The following SHISA6 variants were observed in gnomAD, a reference collection of about 807,000 sequenced individuals.
SHISA6 encodes protein shisa-6.
In SHISA6, 22 loss-of-function variants were observed where a neutral mutation model predicts 47.9. The ratio of observed to expected loss-of-function variants is 0.46; its 90% CI spans 0.33 to 0.66. The LOEUF (loss-of-function observed/expected upper bound fraction) is 0.66, where lower values mean the gene tolerates loss of function less well. SHISA6 is among the 30% of genes least tolerant of loss of function. The pLI is 0.02. For synonymous variants in SHISA6, 388 were observed against 337.8 expected, an observed-to-expected ratio of 1.15 and a Z score of -1.63; for missense variants, 680 against 764.6, an observed-to-expected ratio of 0.89 and a Z score of 1.30.
At chr17:11,372,586 AT>A (rs968908456) in intron 2 of SHISA6, among the ~76,000 whole-genome samples, 3 of 148,812 alleles carry the variant, frequency 2.0e-5, no homozygotes, top group African/African-American at 7.5e-5. Flanking sequence ...GTTTTTGTAT[AT>A]TTTTAATGTG....
At chr17:11,312,035 A>G (rs1165373802) in intron 2 of SHISA6, among the ~76,000 whole-genome samples, 1 of 152,170 alleles carries the variant, frequency 6.6e-6, no homozygotes, top group Non-Finnish European at 1.5e-5. Flanking sequence ...GGGCCTCCCA[A>G]AATGCTGAGA....
At chr17:11,316,329 C>CTTTTTTT (rs66540376) in intron 2 of SHISA6, among the ~76,000 whole-genome samples, 7 of 103,672 alleles carry the variant, frequency 6.8e-5, no homozygotes, top group African/African-American at 1.2e-4. Flanking sequence ...ATTTTCAGGT[C>CTTTTTTT]TTTTTTTTTT....
Position 11,241,244 on chromosome 17 carries a change from C to T in SHISA6, c.-179C>T. On this transcript the variant is annotated 5_prime_UTR_variant, in exon 1 of 6. Coordinates refer to ENST00000441885, the MANE Select transcript of SHISA6 (RefSeq NM_207386.4). The surrounding 1 kb of genome is among the most constrained non-coding windows in gnomAD (Gnocchi z 5.5). ...CCGAGCAGCCCGCGCCGGGCCGGTC[C>T]GTGCGCACCGCGCGCCGCCGCCGCC... is the stretch of plus-strand genomic sequence containing the variant. The T allele has an allele frequency of 5.6e-6, 1 of 177,824 alleles. No individual in the cohort carries two copies. Among genetic ancestry groups the T allele is most frequent in the Non-Finnish European group, 1.1e-5 (1 of 95,046 alleles). 11.0% of individuals were successfully genotyped at this position (177,824 alleles called of 1,614,324 possible).
chr17:11,434,555 C>T (rs1319777043), intron 3 of SHISA6, among the ~76,000 whole-genome samples: 2 of 152,160 alleles, frequency 1.3e-5, no homozygotes, highest in African/African-American at 2.4e-5. Context: ...TCCCATGTTT[C>T]TGAGCATAAA....
chr17:11,509,793 G>A (rs1353492902), intron 3 of SHISA6, among the ~76,000 whole-genome samples: 2 of 152,214 alleles, frequency 1.3e-5, no homozygotes, highest in African/African-American at 4.8e-5. Flanking sequence ...AGGTGGCAGA[G>A]GGCAGGATGA....
intron 1 of SHISA6, among the ~76,000 whole-genome samples, chr17:11,252,769 T>C (rs924852929): frequency 3.9e-5 from 6 of 152,198 alleles, no homozygotes; most frequent in African/African-American, 1.2e-4. Context: ...TCCATCTCCC[T>C]GCAGCGACAG....
At chr17:11,396,783 C>A (rs1277734515) in intron 3 of SHISA6, among the ~76,000 whole-genome samples, 1 of 152,104 alleles carries the variant, frequency 6.6e-6, no homozygotes, top group Non-Finnish European at 1.5e-5. Flanking sequence ...AGGACAAATA[C>A]CTAATGCATG....
intron 3 of SHISA6, among the ~76,000 whole-genome samples, chr17:11,481,233 C>T (rs933565275): frequency 5.3e-5 from 8 of 151,596 alleles, no homozygotes; most frequent in Non-Finnish European, 5.9e-5. Flanking sequence ...GAGCCAAGAT[C>T]GCACCACTGC....
chr17:11,521,293 T>A (rs1024334767), intron 3 of SHISA6, among the ~76,000 whole-genome samples: 7 of 152,186 alleles, frequency 4.6e-5, no homozygotes, highest in Admixed American at 3.9e-4. Context: ...TTTAGTAAAA[T>A]GTAGTATGTA....
intron 2 of SHISA6, among the ~76,000 whole-genome samples, chr17:11,376,827 T>G (rs182709340): frequency 6.6e-6 from 1 of 152,270 alleles, no homozygotes; most frequent in Admixed American, 6.5e-5. Flanking sequence ...TGGGAACTTG[T>G]TAGGAATGGA....
At chr17:11,395,427 T>C (rs1317726424) in intron 3 of SHISA6, among the ~76,000 whole-genome samples, 1 of 152,088 alleles carries the variant, frequency 6.6e-6, no homozygotes, top group Non-Finnish European at 1.5e-5. Flanking sequence ...TATATTCTGC[T>C]ACCTTACTGA....
chr17:11,389,020 G>C (rs907694597), intron 3 of SHISA6, among the ~76,000 whole-genome samples: 1 of 151,820 alleles, frequency 6.6e-6, no homozygotes, highest in Non-Finnish European at 1.5e-5. Context: ...TGACTCCTCA[G>C]TATGGCCCAG....
At chr17:11,388,314 C>T (rs1913259134) in intron 3 of SHISA6, among the ~76,000 whole-genome samples, 1 of 152,118 alleles carries the variant, frequency 6.6e-6, no homozygotes, top group Admixed American at 6.6e-5. Flanking sequence ...TGGGAATGGA[C>T]TCTGTGAAGC....
chr17:11,466,872 G>T (rs78977801), intron 3 of SHISA6, among the ~76,000 whole-genome samples: 1 of 152,072 alleles, frequency 6.6e-6, no homozygotes, highest in African/African-American at 2.4e-5. Context: ...TCCTCCATTC[G>T]GCCTGCTTAG....
At chr17:11,263,736 G>A (rs1298885644) in intron 2 of SHISA6, among the ~76,000 whole-genome samples, 1 of 152,180 alleles carries the variant, frequency 6.6e-6, no homozygotes, top group Non-Finnish European at 1.5e-5. Context: ...GGCTGGATGA[G>A]GACTGACAAT....
chr17:11,499,997 T>C (rs1481928289), intron 3 of SHISA6, among the ~76,000 whole-genome samples: 1 of 152,208 alleles, frequency 6.6e-6, no homozygotes, highest in Non-Finnish European at 1.5e-5. Context: ...CCATCGTGCC[T>C]GGCCTTGTCC....
chr17:11,550,903 T>C (rs926635587), intron 3 of SHISA6, among the ~76,000 whole-genome samples: 2 of 152,040 alleles, frequency 1.3e-5, no homozygotes, highest in Non-Finnish European at 2.9e-5. Context: ...AAATGGGACA[T>C]AGTGAAGGAG....
intron 1 of SHISA6, among the ~76,000 whole-genome samples, chr17:11,257,673 G>T (rs72822791): frequency 2.3e-5 from 3 of 132,910 alleles, no homozygotes; most frequent in Admixed American, 7.6e-5. Flanking sequence ...AAAAAAAAAA[G>T]AAAAAAAGAA....
At chr17:11,421,565 A>G (rs1914452831) in intron 3 of SHISA6, among the ~76,000 whole-genome samples, 1 of 152,230 alleles carries the variant, frequency 6.6e-6, no homozygotes, top group Admixed American at 6.5e-5. Flanking sequence ...GCACGAAGAC[A>G]TGATACACCA....
Sources: gnomAD v4.1 joint callset for allele counts (sites outside exome capture counted in the v4.1 genomes callset) on GRCh38, gnomAD v4.1.1 for gene constraint, Gnocchi (gnomAD v3.1) non-coding constraint, MANE v1.5 for transcripts, NCBI Gene and HGNC (gene_info 2026-07-23, HGNC 2026-07-21) for gene names.